The following CTNNA3 variants were observed in gnomAD, a reference collection of about 807,000 sequenced individuals.
CTNNA3 encodes catenin alpha-3.
In CTNNA3, 76 loss-of-function variants were observed where a neutral mutation model predicts 95.7. The observed-to-expected ratio is 0.79, with a 90% CI of 0.66 to 0.96. The LOEUF is 0.96. CTNNA3 is among the 40% of genes least tolerant of loss of function. CTNNA3 has a pLI of 0.00. For missense variants in CTNNA3, 1,191 were observed against 1,089.8 expected (o/e 1.09, Z -1.31); for synonymous variants, 431 against 374.4 (o/e 1.15, Z -1.74).
rs142115477 is a variant in CTNNA3 at position 66,069,141 on chromosome 10, G to A, written c.2159+167C>T. Among the ~76,000 whole-genome samples the A allele has an allele frequency of 2.6e-3, 390 of 152,134 alleles. 5 individuals carry two copies. Among genetic ancestry groups the A allele is most frequent in the African/African-American group, 9.1e-3 (376 of 41,516 alleles). ...GAGAAACTTGCCATATTTATTTATCGATCGAAACCTCTAGAATTGTACACC... is the reference window on the plus strand; with the variant it reads ...GAGAAACTTGCCATATTTATTTATCAATCGAAACCTCTAGAATTGTACACC... On this transcript the variant is annotated intron_variant, in intron 15 of 17. Coordinates refer to ENST00000433211, the MANE Select transcript of CTNNA3 (RefSeq NM_013266.4).
chr10:66,115,326 A>T (rs1394009031), intron 13 of CTNNA3, among the ~76,000 whole-genome samples: 2 of 152,228 alleles, frequency 1.3e-5, no homozygotes, highest in Admixed American at 1.3e-4. Flanking sequence ...GTCCCTTACC[A>T]GGTCCCATGC....
chr10:66,184,426 T>C (rs1481410336), intron 13 of CTNNA3, among the ~76,000 whole-genome samples: 1 of 152,246 alleles, frequency 6.6e-6, no homozygotes, highest in Non-Finnish European at 1.5e-5. Context: ...ATAGGTATTG[T>C]TCCATATTAT....
chr10:67,105,129 TA>T (rs1290096046), intron 7 of CTNNA3, among the ~76,000 whole-genome samples: 1 of 152,028 alleles, frequency 6.6e-6, no homozygotes, highest in Non-Finnish European at 1.5e-5. Context: ...GACCCATTAT[TA>T]AAATTTACAA....
chr10:67,712,202 G>T (rs1296401202), intron 1 of CTNNA3, among the ~76,000 whole-genome samples: 1 of 152,014 alleles, frequency 6.6e-6, no homozygotes, highest in East Asian at 1.9e-4. Context: ...ATATGACTTG[G>T]GTACTGTTAA....
chr10:66,219,251 AG>A (rs1340869745), intron 13 of CTNNA3, among the ~76,000 whole-genome samples: 1 of 152,122 alleles, frequency 6.6e-6, no homozygotes, highest in Non-Finnish European at 1.5e-5. Flanking sequence ...GCCTTGGGAA[AG>A]GGTGAGTGTG....
intron 7 of CTNNA3, among the ~76,000 whole-genome samples, chr10:67,113,421 A>G (rs1262540782): frequency 6.6e-6 from 1 of 152,176 alleles, no homozygotes; most frequent in East Asian, 1.9e-4. Context: ...CTCACACAGC[A>G]CGCCACTCTT....
intron 11 of CTNNA3, among the ~76,000 whole-genome samples, chr10:66,428,369 C>T (rs930208885): frequency 3.4e-4 from 52 of 152,124 alleles, no homozygotes; most frequent in African/African-American, 1.2e-3. Context: ...ACAAGGATAT[C>T]CAGGAACTGA....
chr10:67,166,705 A>T (rs1861783223), intron 7 of CTNNA3, among the ~76,000 whole-genome samples: 1 of 152,226 alleles, frequency 6.6e-6, no homozygotes, highest in African/African-American at 2.4e-5. Context: ...AGGGTAATTC[A>T]GATCCTTTAT....
At chr10:66,573,042 A>T (rs903460559) in intron 10 of CTNNA3, among the ~76,000 whole-genome samples, 1 of 152,138 alleles carries the variant, frequency 6.6e-6, no homozygotes, top group African/African-American at 2.4e-5. Context: ...CTAATACTAC[A>T]TCCCTAGGTA....
At chr10:66,101,518 G>C (rs2081629091) in intron 14 of CTNNA3, among the ~76,000 whole-genome samples, 1 of 152,008 alleles carries the variant, frequency 6.6e-6, no homozygotes, top group South Asian at 2.1e-4. Flanking sequence ...TGAAAACATG[G>C]AACTTTCCCA....
At chr10:66,899,743 C>T (rs1175100218) in intron 7 of CTNNA3, among the ~76,000 whole-genome samples, 2 of 152,078 alleles carry the variant, frequency 1.3e-5, no homozygotes, top group Non-Finnish European at 2.9e-5. Flanking sequence ...GAGCCTTGCT[C>T]ACTGCTAGCA....
intron 13 of CTNNA3, among the ~76,000 whole-genome samples, chr10:66,189,600 T>TATATATATATATATATATATATATATA (rs2086542942): frequency 1.1e-5 from 1 of 89,356 alleles, no homozygotes; most frequent in Admixed American, 1.0e-4. Flanking sequence ...TACTATAGAT[T>TATATATATATATATATATATATATATA]TATATATATA....
chr10:66,422,175 T>C (rs994520164), intron 11 of CTNNA3, among the ~76,000 whole-genome samples: 2 of 152,098 alleles, frequency 1.3e-5, no homozygotes, highest in East Asian at 3.9e-4. Context: ...TGCATGTAAG[T>C]AACTTATTCT....
In CTNNA3 at chr10:67,539,639, A is replaced by G. The variant is rs1206597536; in HGVS notation, c.323T>C (p.Phe108Ser). 3.1e-6 allele frequency: 5 copies of G among 1,613,572 alleles called. No individual in the cohort carries two copies. The highest frequency in any genetic ancestry group is 3.4e-6 in the Non-Finnish European group (4 of 1,179,710). Reference protein sequence around the residue: ...SEALKVSAERFTDDPCFLPKR... With the variant: ...SEALKVSAERSTDDPCFLPKR... ...TGGGAGAAAACAGGGGTCATCTGTA[A>G]ATCTCTCAGCTGATACTTTCAGAGC... The change falls in exon 4 of 18, where the codon TTT (phenylalanine) becomes TCT (serine). Residue 108 changes from phenylalanine to serine, a missense_variant. Phe to Ser is a radical substitution (Grantham distance 155). Coordinates refer to ENST00000433211, the MANE Select transcript of CTNNA3 (RefSeq NM_013266.4).
At chr10:67,171,639 C>G (rs890450496) in intron 7 of CTNNA3, among the ~76,000 whole-genome samples, 2 of 151,626 alleles carry the variant, frequency 1.3e-5, no homozygotes, top group Admixed American at 6.6e-5. Context: ...GTAGTCCCAG[C>G]TATTCAGGAG....
intron 7 of CTNNA3, among the ~76,000 whole-genome samples, chr10:66,987,086 A>G (rs1197395028): frequency 2.6e-5 from 4 of 152,204 alleles, no homozygotes; most frequent in Admixed American, 2.6e-4. Flanking sequence ...TCCCGACGTG[A>G]AGTCCTTTTA....
At chr10:66,198,532 G>C (rs768378697) in intron 13 of CTNNA3, among the ~76,000 whole-genome samples, 8 of 152,054 alleles carry the variant, frequency 5.3e-5, no homozygotes, top group Non-Finnish European at 1.0e-4. Context: ...CTAGCAAATT[G>C]AATCTGCTAG....
chr10:66,001,793 C>T (rs926078697), intron 15 of CTNNA3, among the ~76,000 whole-genome samples: 1 of 151,894 alleles, frequency 6.6e-6, no homozygotes, highest in Admixed American at 6.6e-5. Flanking sequence ...TTTTTAAATT[C>T]CAAAATTACA....
chr10:66,220,478 C>A (rs1030131189), intron 13 of CTNNA3, among the ~76,000 whole-genome samples: 1 of 152,076 alleles, frequency 6.6e-6, no homozygotes, highest in African/African-American at 2.4e-5. Context: ...AGGGTACCTG[C>A]GACCCCTGGA....
Sources: gnomAD v4.1 joint callset for allele counts (sites outside exome capture counted in the v4.1 genomes callset) on GRCh38, gnomAD v4.1.1 for gene constraint, MANE v1.5 for transcripts, NCBI Gene and HGNC (gene_info 2026-07-23, HGNC 2026-07-21) for gene names.